Variants in ZSCAN25 observed in about 807,000 individuals in gnomAD.
ZSCAN25 encodes zinc finger and SCAN domain containing 25.
A neutral mutation model predicts 38.7 loss-of-function variants in ZSCAN25; 27 were observed. The ratio of observed to expected loss-of-function variants is 0.70; its 90% CI spans 0.51 to 0.96. ZSCAN25 has a LOEUF of 0.96. Ranked by LOEUF, ZSCAN25 falls within the 40% of genes least tolerant of loss-of-function variation. ZSCAN25 has a pLI of 0.00. For synonymous variants in ZSCAN25, 273 were observed against 277.7 expected, an observed-to-expected ratio of 0.98 and a Z score of 0.17; for missense variants, 637 against 705.9, an observed-to-expected ratio of 0.90 and a Z score of 1.11.
In ZSCAN25 at chr7:99,629,042, A is replaced by G; in HGVS notation, c.806-149A>G. 1 of 1,140,316 alleles carries G rather than the reference A, an allele frequency of 8.8e-7. No individual in the cohort carries two copies. The highest frequency in any genetic ancestry group is 1.2e-6 in the Non-Finnish European group (1 of 829,530). 70.6% of individuals were successfully genotyped at this position (1,140,316 alleles called of 1,614,324 possible). Reference sequence around the variant, plus strand: ...AAAGACATGGAGGTGGAAATAAGGAAAAAGAAGTAAGGAAAGCCTGAGTTG... The same window carrying G: ...AAAGACATGGAGGTGGAAATAAGGAGAAAGAAGTAAGGAAAGCCTGAGTTG... On this transcript the variant is annotated intron_variant, in intron 7 of 7. Coordinates refer to ENST00000394152, the MANE Select transcript of ZSCAN25 (RefSeq NM_145115.3). The surrounding 1 kb of genome is among the most constrained non-coding windows in gnomAD (Gnocchi z 5.6).
chr7:99,672,341 T>C, the ZSCAN25 span, among the ~76,000 whole-genome samples: 2 of 152,158 alleles, frequency 1.3e-5, no homozygotes, highest in Admixed American at 6.5e-5. Context: ...TGAGCCATTA[T>C]GCCCAGCCTG....
At chr7:99,675,411 A>G in the ZSCAN25 span, among the ~76,000 whole-genome samples, 2 of 152,072 alleles carry the variant, frequency 1.3e-5, no homozygotes, top group Non-Finnish European at 2.9e-5. Context: ...TAGAATTCTC[A>G]GATAGTAATC....
the ZSCAN25 span, among the ~76,000 whole-genome samples, chr7:99,687,618 C>T: frequency 6.6e-6 from 1 of 152,310 alleles, no homozygotes; most frequent in Non-Finnish European, 1.5e-5. Context: ...TCCAGGAGAA[C>T]TTCCCCAATC....
chr7:99,682,258 C>T, the ZSCAN25 span, among the ~76,000 whole-genome samples: 7 of 152,324 alleles, frequency 4.6e-5, 1 homozygote, highest in South Asian at 8.3e-4. Context: ...GCATGAGCCA[C>T]GGCACTCAGC....
the ZSCAN25 span, among the ~76,000 whole-genome samples, chr7:99,677,976 C>G: frequency 5.9e-5 from 9 of 152,356 alleles, no homozygotes; most frequent in South Asian, 1.9e-3. Flanking sequence ...TCTTTAGTTT[C>G]TTTCCAGCTC....
the ZSCAN25 span, chr7:99,660,122 T>A: frequency 2.7e-6 from 2 of 741,182 alleles, no homozygotes; most frequent in Non-Finnish European, 3.3e-6. Flanking sequence ...GTACCTCAGT[T>A]GGAAATGCAG....
At chr7:99,666,742 A>G in the ZSCAN25 span, 2 of 1,613,352 alleles carry the variant, frequency 1.2e-6, no homozygotes, top group Non-Finnish European at 1.7e-6. Flanking sequence ...CTCAAGTCCC[A>G]GAAGGATATG....
chr7:99,633,520 G>A (rs1472484662), downstream of ZSCAN25, among the ~76,000 whole-genome samples: 1 of 152,138 alleles, frequency 6.6e-6, no homozygotes, highest in East Asian at 1.9e-4. Context: ...TTTGCTTCCT[G>A]TAAAGGCAGT....
the ZSCAN25 span, among the ~76,000 whole-genome samples, chr7:99,637,697 G>T: frequency 9.2e-5 from 14 of 152,170 alleles, no homozygotes; most frequent in Middle Eastern, 3.4e-3. Context: ...AGATATAAAA[G>T]GTCACATTTG....
chr7:99,664,542 A>G, the ZSCAN25 span, among the ~76,000 whole-genome samples: 1 of 152,232 alleles, frequency 6.6e-6, no homozygotes, highest in Non-Finnish European at 1.5e-5. Flanking sequence ...GGAAACTCAT[A>G]CATTTGTGGA....
the ZSCAN25 span, among the ~76,000 whole-genome samples, chr7:99,694,599 A>G: frequency 0.081 from 12,357 of 152,314 alleles, 644 homozygotes; most frequent in African/African-American, 0.13. Flanking sequence ...GGGTACATCT[A>G]CTAAAGAACT....
the ZSCAN25 span, among the ~76,000 whole-genome samples, chr7:99,642,130 T>G: frequency 6.6e-6 from 1 of 152,322 alleles, no homozygotes; most frequent in East Asian, 1.9e-4. Context: ...TTCATGTGAG[T>G]TCCTGTTTTG....
At position 99,629,492 on chromosome 7, in the gene ZSCAN25, C is replaced by A. The variant is rs1363829297; in HGVS notation, c.1107C>A (p.Thr369=). ...CCAATCTCGTCAGGCACCAGCGAAC[C>A]CACGAAGAGAAGTCTTATGGCTGTG... ...RSSNLVRHQR[T]HEEKSYGCVE... Residue 369 remains threonine, a synonymous_variant, in exon 8 of 8, where the codon ACC becomes ACA. Coordinates refer to ENST00000394152, the MANE Select transcript of ZSCAN25 (RefSeq NM_145115.3). The surrounding 1 kb of genome is among the most constrained non-coding windows in gnomAD (Gnocchi z 5.6). The A allele has an allele frequency of 1.2e-6, 2 of 1,614,226 alleles. No homozygotes were observed. The highest frequency in any genetic ancestry group is 2.7e-5 in the African/African-American group (2 of 75,050).
downstream of ZSCAN25, among the ~76,000 whole-genome samples, chr7:99,633,011 A>T (rs1808119026): frequency 8.2e-6 from 1 of 122,500 alleles, no homozygotes. Context: ...TTTGAGCTGG[A>T]GTCTCGCTCT....
At chr7:99,685,042 A>G in the ZSCAN25 span, 2 of 882,590 alleles carry the variant, frequency 2.3e-6, no homozygotes, top group Non-Finnish European at 3.6e-6. Flanking sequence ...GATGAAGCCC[A>G]TCTTCATTTC....
chr7:99,736,799 A>T, the ZSCAN25 span, among the ~76,000 whole-genome samples: 1 of 152,144 alleles, frequency 6.6e-6, no homozygotes, highest in Admixed American at 6.5e-5. Context: ...CAGCAGGTGA[A>T]CATCATGCCA....
intron 7 of ZSCAN25, among the ~76,000 whole-genome samples, chr7:99,625,559 A>G (rs1166526468): frequency 6.6e-6 from 1 of 152,184 alleles, no homozygotes; most frequent in African/African-American, 2.4e-5. Flanking sequence ...AGATGTCAGC[A>G]TACTTTATGT....
Position 99,619,871 on chromosome 7 carries a change from C to T in ZSCAN25, c.265C>T (p.Gln89Ter). ...GATCCTGGAGCTGCTGGTGCTGGAG[C>T]AGTTCCTCACTATCCTGCCCCGCGA... ...EQILELLVLEQFLTILPREFY... is the reference protein window; with the variant it reads ...EQILELLVLE Residue 89 changes from glutamine (Q) to a stop codon, truncating the protein, a stop_gained, in exon 4 of 8, where the codon CAG (glutamine) becomes TAG (stop). Coordinates refer to ENST00000394152, the MANE Select transcript of ZSCAN25 (RefSeq NM_145115.3). LOFTEE classifies it high-confidence loss of function. 1 of 1,614,230 alleles carries T rather than the reference C, an allele frequency of 6.2e-7. No homozygotes were observed. Among genetic ancestry groups the T allele is most frequent in the Non-Finnish European group, 8.5e-7 (1 of 1,180,044 alleles).
At chr7:99,695,945 C>T in the ZSCAN25 span, 152 of 858,726 alleles carry the variant, frequency 1.8e-4, 1 homozygote, top group East Asian at 4.0e-3. Flanking sequence ...AAGGAGGTAA[C>T]ATTAAGGCAA....
Sources: allele counts gnomAD v4.1 joint callset (sites outside exome capture counted in the v4.1 genomes callset), GRCh38; gene constraint gnomAD v4.1.1; non-coding constraint Gnocchi (gnomAD v3.1); transcripts MANE v1.5; gene names NCBI Gene and HGNC (gene_info 2026-07-23, HGNC 2026-07-21).